Variants in DGLUCY observed in about 807,000 individuals in gnomAD.
DGLUCY encodes D-glutamate cyclase, also known as D-glutamate cyclase, mitochondrial.
In DGLUCY, 58 loss-of-function variants were observed where a neutral mutation model predicts 58.5. The ratio of observed to expected loss-of-function variants is 0.99; its 90% CI spans 0.80 to 1.23. DGLUCY has a LOEUF of 1.23. Ranked by LOEUF, DGLUCY falls within the 50% of genes most tolerant of loss-of-function variation. The pLI, the probability that DGLUCY is intolerant of heterozygous loss-of-function variation, is 0.00. For missense variants in DGLUCY, 779 were observed against 784.7 expected (o/e 0.99, Z 0.09); for synonymous variants, 325 against 314.1 (o/e 1.03, Z -0.37).
At chr14:91,190,944 G>A (rs2049847560) in intron 9 of DGLUCY, among the ~76,000 whole-genome samples, 1 of 152,168 alleles carries the variant, frequency 6.6e-6, no homozygotes, top group African/African-American at 2.4e-5. Flanking sequence ...AGGACGGTTT[G>A]GAGTGGGGGT....
upstream of DGLUCY, among the ~76,000 whole-genome samples, chr14:91,103,667 TTCTC>T (rs755883857): frequency 6.6e-6 from 1 of 152,170 alleles, no homozygotes; most frequent in Non-Finnish European, 1.5e-5. Flanking sequence ...GTTTCTGTCT[TTCTC>T]TCTTTATATA....
At chr14:91,110,162 C>A (rs1052564822), upstream of DGLUCY, among the ~76,000 whole-genome samples, 3 of 152,242 alleles carry the variant, frequency 2.0e-5, no homozygotes, top group Non-Finnish European at 4.4e-5. Context: ...CACACTGTGA[C>A]ACCAGCTGAA....
upstream of DGLUCY, among the ~76,000 whole-genome samples, chr14:91,112,312 C>G (rs2044717800): frequency 6.6e-6 from 1 of 151,936 alleles, no homozygotes; most frequent in Non-Finnish European, 1.5e-5. Context: ...CCTTTGTGAG[C>G]CTGGCCTCAA....
intron 12 of DGLUCY, among the ~76,000 whole-genome samples, chr14:91,205,213 G>A (rs1405967714): frequency 2.0e-5 from 3 of 152,220 alleles, no homozygotes; most frequent in African/African-American, 7.2e-5. Context: ...GGTCAGGAAG[G>A]CTTTTCTGAA....
chr14:91,169,797 G>A lies in DGLUCY; in HGVS notation c.258-206G>A, dbSNP rs189470392. 2.8e-3 allele frequency among the ~76,000 whole-genome samples: 419 copies of A among 152,150 alleles called. 3 individuals are homozygous for A. The highest frequency in any genetic ancestry group is 9.7e-3 in the African/African-American group (403 of 41,508). ...TGGGAGGTGGGGGTACGTTCTATAC[G>A]TGCTGATTTAATCGTTTCCGATCTG... On this transcript the variant is annotated intron_variant, in intron 4 of 13. Coordinates refer to ENST00000256324, the MANE Select transcript of DGLUCY (RefSeq NM_001102368.3).
chr14:91,160,193 C>G, intron 2 of DGLUCY, 73 bp from the exon 3 acceptor site: 5 of 903,492 alleles, frequency 5.5e-6, no homozygotes, highest in Non-Finnish European at 7.4e-6. Flanking sequence ...GTATGTGAAG[C>G]TATGTGAGGC....
chr14:91,168,953 G>A (rs961071628), intron 4 of DGLUCY, among the ~76,000 whole-genome samples: 1 of 152,100 alleles, frequency 6.6e-6, no homozygotes, highest in Non-Finnish European at 1.5e-5. Flanking sequence ...CGGGCATGGT[G>A]GTTCGGGCCT....
At chr14:91,167,434 C>G in intron 4 of DGLUCY, 56 bp downstream of exon 4, 1 of 1,606,648 alleles carries the variant, frequency 6.2e-7, no homozygotes, top group South Asian at 1.1e-5. Flanking sequence ...GTGCTGTAGC[C>G]AGGTGTCTCT....
intron 4 of DGLUCY, chr14:91,167,742 G>T: frequency 2.9e-6 from 2 of 682,522 alleles, no homozygotes; most frequent in South Asian, 1.6e-5. Flanking sequence ...CAGAGATATT[G>T]TGTCTGTTCT....
chr14:91,069,674 G>T (rs1237828700), intron 1 of DGLUCY, among the ~76,000 whole-genome samples: 1 of 151,866 alleles, frequency 6.6e-6, no homozygotes, highest in Non-Finnish European at 1.5e-5. Context: ...GCCCAGGCTG[G>T]GTTACAGAAC....
At chr14:91,156,654 T>C (rs2047637467) in intron 1 of DGLUCY, among the ~76,000 whole-genome samples, 1 of 152,194 alleles carries the variant, frequency 6.6e-6, no homozygotes, top group Non-Finnish European at 1.5e-5. Context: ...ATATATTTGA[T>C]GTTAGGGAAT....
chr14:91,136,843 C>CCTGT (rs2046367797), intron 1 of DGLUCY, among the ~76,000 whole-genome samples: 1 of 152,186 alleles, frequency 6.6e-6, no homozygotes, highest in African/African-American at 2.4e-5. Context: ...GTGGTACATG[C>CCTGT]CTGTAATCCC....
rs185968799 is a variant in DGLUCY at position 91,183,058 on chromosome 14, C to T, written c.934+1669C>T. ...CCAGGCTGGAGTGCAGTGATGCGAT[C>T]TTGGCTCACTGTAACCTCCACCTCC... is the stretch of plus-strand genomic sequence containing the variant. On this transcript the variant is annotated intron_variant, in intron 8 of 13. Transcript: ENST00000256324. 4.0e-5 allele frequency among the ~76,000 whole-genome samples: 6 copies of T among 151,846 alleles called. No homozygotes were observed. In the East Asian group the frequency reaches 1.2e-3, roughly 29 times the overall value.
intron 1 of DGLUCY, among the ~76,000 whole-genome samples, chr14:91,069,766 T>C (rs2043884248): frequency 6.6e-6 from 1 of 151,446 alleles, no homozygotes; most frequent in South Asian, 2.1e-4. Flanking sequence ...TGTGCCCAGC[T>C]TGATATTTTT....
intron 1 of DGLUCY, among the ~76,000 whole-genome samples, chr14:91,123,635 A>G (rs1244199687): frequency 6.6e-6 from 1 of 152,140 alleles, no homozygotes. Flanking sequence ...CCCTCAGGCT[A>G]GAGTGCAGTG....
intron 1 of DGLUCY, among the ~76,000 whole-genome samples, chr14:91,101,190 C>T (rs1467199688): frequency 1.3e-5 from 2 of 152,070 alleles, no homozygotes; most frequent in Admixed American, 6.6e-5. Context: ...ACTATGTTAA[C>T]ATCATTGTTG....
intron 1 of DGLUCY, among the ~76,000 whole-genome samples, chr14:91,071,062 G>A (rs1394396219): frequency 6.6e-6 from 1 of 152,026 alleles, no homozygotes; most frequent in Admixed American, 6.6e-5. Context: ...ACCAGGTGTG[G>A]TGGCTCACAC....
intron 12 of DGLUCY, among the ~76,000 whole-genome samples, chr14:91,206,111 AT>A (rs1884650700): frequency 6.6e-6 from 1 of 151,884 alleles, no homozygotes; most frequent in Non-Finnish European, 1.5e-5. Flanking sequence ...AAGTGCTGGG[AT>A]TACAGGCCTT....
At chr14:91,060,684 G>C (rs531629351) in exon 1 of DGLUCY, 1 of 380,394 alleles carries the variant, frequency 2.6e-6, no homozygotes, top group Non-Finnish European at 4.5e-6. Flanking sequence ...TCCTCAGGCC[G>C]CTCCGCCCAC....
Sources: gnomAD v4.1 joint callset for allele counts (sites outside exome capture counted in the v4.1 genomes callset) on GRCh38, gnomAD v4.1.1 for gene constraint, MANE v1.5 for transcripts, NCBI Gene and HGNC (gene_info 2026-07-23, HGNC 2026-07-21) for gene names.